The following CDKAL1 variants were observed in gnomAD, a reference collection of about 807,000 sequenced individuals.
CDKAL1 encodes the protein CDKAL1 threonylcarbamoyladenosine tRNA methylthiotransferase.
Under a neutral mutation model 68.2 loss-of-function variants are expected in CDKAL1, and 32 were observed. The observed-to-expected ratio is 0.47, with a 90% CI of 0.35 to 0.63. The LOEUF (loss-of-function observed/expected upper bound fraction) is 0.63, where lower values mean the gene tolerates loss of function less well. Ranked by LOEUF, CDKAL1 falls within the 30% of genes least tolerant of loss-of-function variation. CDKAL1 has a pLI of 0.00. For synonymous variants in CDKAL1, 234 were observed against 244.3 expected (o/e 0.96, Z 0.39); for missense variants, 606 against 696.7 (o/e 0.87, Z 1.47).
At chr6:20,843,670 G>A (rs1778263457) in intron 8 of CDKAL1, among the ~76,000 whole-genome samples, 1 of 152,176 alleles carries the variant, frequency 6.6e-6, no homozygotes, top group African/African-American at 2.4e-5. Flanking sequence ...GAGGTCAGGT[G>A]TGGAATTTTT....
chr6:20,583,267 G>T (rs1765209415), intron 4 of CDKAL1, among the ~76,000 whole-genome samples: 1 of 152,018 alleles, frequency 6.6e-6, no homozygotes, highest in Non-Finnish European at 1.5e-5. Flanking sequence ...TGTTTTCATA[G>T]TATCTTGTTA....
intron 6 of CDKAL1, chr6:20,755,992 C>T (rs1217537277): frequency 6.6e-6 from 1 of 152,190 alleles, no homozygotes; most frequent in African/African-American, 2.4e-5. Context: ...TGCTTAGATT[C>T]TCCCTGACCT....
At position 20,959,378 on chromosome 6, in the gene CDKAL1, A is replaced by G. The variant is rs548433054; in HGVS notation, c.909+3793A>G. Among the ~76,000 whole-genome samples, 53 of 152,330 alleles carry G rather than the reference A, an allele frequency of 3.5e-4. 2 individuals carry two copies. In the South Asian group the frequency reaches 0.011, roughly 30 times the overall value. Reference sequence around the variant, plus strand: ...CAATGCTGTAGTAAACTTGCATATGATAATAGAATCAATAGATAAAACAAT... The same window carrying G: ...CAATGCTGTAGTAAACTTGCATATGGTAATAGAATCAATAGATAAAACAAT... On this transcript the variant is annotated intron_variant, in intron 10 of 15. Coordinates refer to ENST00000274695, the MANE Select transcript of CDKAL1 (RefSeq NM_017774.3).
rs77387060 is a variant in CDKAL1, at chr6:20,743,573, C to G, written c.468+3958C>G. On this transcript the variant is annotated intron_variant, in intron 6 of 15. Coordinates refer to ENST00000274695, the MANE Select transcript of CDKAL1 (RefSeq NM_017774.3). The stretch of plus-strand genomic sequence containing the variant: ...GGAATGGGGCATTTAGTTTAGTAAT[C>G]AGAACAAGGCAGTGTGGTGAGAACA... Among the ~76,000 whole-genome samples, 768 of 152,242 alleles carry G rather than the reference C, an allele frequency of 5.0e-3. 5 individuals carry two copies. Among genetic ancestry groups the G allele is most frequent in the African/African-American group, 0.017 (707 of 41,548 alleles).
At chr6:20,779,977 G>A (rs1335968320) in intron 7 of CDKAL1, among the ~76,000 whole-genome samples, 26 of 151,738 alleles carry the variant, frequency 1.7e-4, no homozygotes, top group Admixed American at 1.5e-3. Context: ...GGCTGTGTGC[G>A]GTGGCTCATG....
chr6:21,113,614 T>C (rs1336853241), intron 13 of CDKAL1, among the ~76,000 whole-genome samples: 1 of 151,972 alleles, frequency 6.6e-6, no homozygotes, highest in African/African-American at 2.4e-5. Context: ...GCAATTCTCC[T>C]GCCTCAGCCT....
intron 13 of CDKAL1, among the ~76,000 whole-genome samples, chr6:21,132,289 G>T (rs148678519): frequency 1.3e-5 from 2 of 152,180 alleles, no homozygotes; most frequent in African/African-American, 2.4e-5. Flanking sequence ...GTGTACACGC[G>T]CAGTAGATTA....
intron 8 of CDKAL1, among the ~76,000 whole-genome samples, chr6:20,844,012 A>G (rs1041840286): frequency 2.6e-5 from 4 of 152,288 alleles, no homozygotes; most frequent in Admixed American, 6.5e-5. Flanking sequence ...CTGGTCTTCC[A>G]GTGTACCATA....
At chr6:21,015,594 GTTTC>G (rs528930451) in intron 11 of CDKAL1, among the ~76,000 whole-genome samples, 58 of 152,038 alleles carry the variant, frequency 3.8e-4, no homozygotes, top group Middle Eastern at 3.4e-3. Context: ...TGCTAATTGG[GTTTC>G]TTTCTTTTTC....
intron 10 of CDKAL1, among the ~76,000 whole-genome samples, chr6:20,974,997 A>T (rs1331201741): frequency 6.6e-6 from 1 of 151,452 alleles, no homozygotes; most frequent in Admixed American, 6.6e-5. Flanking sequence ...AAAAAAAAAA[A>T]AAAAGGAAAG....
chr6:21,161,855 G>A (rs1293757426), intron 13 of CDKAL1, among the ~76,000 whole-genome samples: 4 of 152,062 alleles, frequency 2.6e-5, no homozygotes, highest in African/African-American at 9.7e-5. Flanking sequence ...CATAATTGTT[G>A]TCATTTTCTA....
chr6:21,124,045 T>G (rs1368644391), intron 13 of CDKAL1, among the ~76,000 whole-genome samples: 2 of 152,258 alleles, frequency 1.3e-5, no homozygotes, highest in Non-Finnish European at 2.9e-5. Context: ...AGTTGTAACA[T>G]GCACATGTTC....
intron 11 of CDKAL1, among the ~76,000 whole-genome samples, chr6:21,010,709 A>G (rs1230899783): frequency 6.6e-6 from 1 of 152,192 alleles, no homozygotes; most frequent in East Asian, 1.9e-4. Context: ...TGCCCTAATT[A>G]AGTCCTCAGA....
At chr6:20,740,329 T>TG (rs1773393494) in intron 6 of CDKAL1, among the ~76,000 whole-genome samples, 4 of 152,060 alleles carry the variant, frequency 2.6e-5, no homozygotes, top group African/African-American at 7.3e-5. Flanking sequence ...TACTTTTTTT[T>TG]GGGGGGCGTG....
chr6:20,583,793 C>G (rs531286515), intron 4 of CDKAL1, among the ~76,000 whole-genome samples: 3 of 150,526 alleles, frequency 2.0e-5, no homozygotes, highest in African/African-American at 7.3e-5. Context: ...CGCCCCCCCC[C>G]ACTAGTTTCA....
intron 10 of CDKAL1, among the ~76,000 whole-genome samples, chr6:20,966,888 ACT>A (rs969321803): frequency 1.3e-5 from 2 of 151,224 alleles, no homozygotes; most frequent in African/African-American, 4.9e-5. Context: ...ACCTCAGCAG[ACT>A]CTTTTTATTT....
intron 9 of CDKAL1, among the ~76,000 whole-genome samples, chr6:20,879,440 CT>C (rs549966901): frequency 6.6e-6 from 1 of 152,246 alleles, no homozygotes; most frequent in South Asian, 2.1e-4. Context: ...GTAATAGTCA[CT>C]TCAACAGTTT....
At chr6:20,553,629 G>A (rs1301297276) in intron 4 of CDKAL1, among the ~76,000 whole-genome samples, 2 of 152,094 alleles carry the variant, frequency 1.3e-5, no homozygotes, top group Non-Finnish European at 2.9e-5. Context: ...TAACTTTTTT[G>A]TTACGTAGTC....
chr6:20,856,859 A>G (rs4710955), intron 9 of CDKAL1, among the ~76,000 whole-genome samples: 145,976 of 152,284 alleles, frequency 0.96, 69,977 homozygotes, highest in East Asian at 1. Flanking sequence ...TTTGTGAGAT[A>G]TTTTCTGGGC....
Sources: gnomAD v4.1 joint callset for allele counts (sites outside exome capture counted in the v4.1 genomes callset) on GRCh38, gnomAD v4.1.1 for gene constraint, MANE v1.5 for transcripts, NCBI Gene and HGNC (gene_info 2026-07-23, HGNC 2026-07-21) for gene names.